Variants in TMEM237 observed in about 807,000 individuals in gnomAD.
TMEM237 encodes amyotrophic lateral sclerosis 2 (juvenile) chromosome region, candidate 4.
A neutral mutation model predicts 59.1 loss-of-function variants in TMEM237; 51 were observed. The observed-to-expected ratio is 0.86, with a 90% CI of 0.69 to 1.09. The LOEUF is 1.09. TMEM237 is among the 50% of genes least tolerant of loss of function. The pLI is 0.00. For synonymous variants in TMEM237, 140 were observed against 166.1 expected (o/e 0.84, Z 1.21); for missense variants, 475 against 478.3 (o/e 0.99, Z 0.06).
At position 201,632,156 on chromosome 2, in the gene TMEM237, C is replaced by T. The variant is rs1443272786; in HGVS notation, c.448G>A (p.Glu150Lys). The change falls in exon 7 of 13, where the codon GAA becomes AAA. Residue 150 changes from glutamate to lysine, a missense_variant. Transcript: ENST00000409883. ...GTTTGCTCATCAGTGATTATGTCTT[C>T]ATCTTCTACTCCTAGCTCATTGGCA... ...QYANELGVED[E>K]DIITDEQTTV... The T allele has an allele frequency of 2.5e-6, 4 of 1,613,800 alleles. No individual in the cohort carries two copies. The African/African-American group carries it at 4.0e-5, about 16-fold the overall frequency.
rs371745593 is a variant in TMEM237, at chr2:201,643,045, G to A, written c.42+314C>T. Reference sequence around the variant, plus strand: ...CCTCGGAGGAGTCTAGGAGAGGCCTGGCTGGAAGCCCCGGCACCCGCCGGG... The same window carrying A: ...CCTCGGAGGAGTCTAGGAGAGGCCTAGCTGGAAGCCCCGGCACCCGCCGGG... On this transcript the variant is annotated intron_variant, in intron 1 of 12. Transcript: ENST00000409883. This position sits in a 1 kb window ranked among gnomAD's most constrained non-coding sequence, Gnocchi z 4.3. The A allele has an allele frequency of 1.0e-5, 13 of 1,262,570 alleles. No homozygotes were observed. The East Asian group carries it at 3.1e-4, about 30-fold the overall frequency. The allele number at this position is 1,262,570 out of a possible 1,614,324, so 78.2% of individuals were successfully genotyped here.
Position 201,629,271 on chromosome 2 carries a change from CAG to C in TMEM237, c.826_827del (p.Leu276ValfsTer13). On this transcript the variant is annotated frameshift_variant, in exon 9 of 13. Transcript: ENST00000409883. LOFTEE classifies it high-confidence loss of function. ...KTLAYPFQSL[L>X]YLLLALSTIS... The stretch of plus-strand genomic sequence containing the variant: ...TTGTACTCAGAGCCAAAAGCAAGTA[CAG>C]AAGACTCTGGAATGGATACGCTAGG... 6.3e-7 allele frequency: 1 copy of C among 1,594,542 alleles called. No homozygotes were observed. The highest frequency in any genetic ancestry group is 8.5e-7 in the Non-Finnish European group (1 of 1,174,402).
Position 201,623,652 on chromosome 2 carries a change from C to G in TMEM237, c.*603G>C, listed in dbSNP as rs1001421624. 6.6e-6 allele frequency: 1 copy of G among 152,308 alleles called. No homozygotes were observed. Among genetic ancestry groups the G allele is most frequent in the Non-Finnish European group, 1.5e-5 (1 of 68,156 alleles). The allele number at this position is 152,308 out of a possible 1,614,324, so 9.4% of individuals were successfully genotyped here. A position where few individuals can be genotyped will look rare whatever the true frequency, so the allele number is the denominator to read the frequency against. ...CACTAGTACAGATTATAATGAGAAG[C>G]AACTTTTTAGTTACTTCTAGGTAAA... On this transcript the variant is annotated 3_prime_UTR_variant, in exon 13 of 13. Coordinates refer to ENST00000409883, the MANE Select transcript of TMEM237 (RefSeq NM_001044385.3).
At chr2:201,627,063 C>T (rs560001579) in intron 11 of TMEM237, among the ~76,000 whole-genome samples, 1 of 147,578 alleles carries the variant, frequency 6.8e-6, no homozygotes, top group South Asian at 2.2e-4. Context: ...ATGGGTGACA[C>T]AGCGAGACTC....
At chr2:201,629,679 C>G (rs1957791650) in intron 8 of TMEM237, 50 bp downstream of exon 8, 2 of 1,566,580 alleles carry the variant, frequency 1.3e-6, no homozygotes, top group Admixed American at 2.2e-5. Context: ...TCTTTAATTA[C>G]AGAACTCAGT....
At chr2:201,638,500 A>G (rs1444193858) in intron 4 of TMEM237, 4 of 152,802 alleles carry the variant, frequency 2.6e-5, no homozygotes, top group African/African-American at 9.6e-5. Flanking sequence ...TTCCAGGATT[A>G]TCAGTGGATG....
chr2:201,624,195 C>T lies in TMEM237; in HGVS notation c.*60G>A. The T allele has an allele frequency of 1.5e-6, 2 of 1,366,208 alleles. No individual in the cohort carries two copies. The highest frequency in any genetic ancestry group is 1.8e-5 in the Admixed American group (1 of 56,216). 84.6% of individuals were successfully genotyped at this position (1,366,208 alleles called of 1,614,324 possible). On this transcript the variant is annotated 3_prime_UTR_variant, in exon 13 of 13. Transcript: ENST00000409883. ...CACATGTATACATCTTATAAAAATA[C>T]ATTTAAAAACAAAAATGGGACAAAT... is the stretch of plus-strand genomic sequence containing the variant.
chr2:201,621,846 AT>A lies in TMEM237; in HGVS notation c.*2408del, dbSNP rs1206697148. The A allele has an allele frequency of 1.4e-4, 21 of 152,774 alleles. No homozygotes were observed. Among genetic ancestry groups the A allele is most frequent in the African/African-American group, 5.0e-4 (21 of 41,594 alleles). The allele number at this position is 152,774 out of a possible 1,614,324, so 9.5% of individuals were successfully genotyped here. Reference sequence around the variant, plus strand: ...TCCACTGTAAGCTGGAGAAAGTTACATGAATTCTCATCGACGGCCTCAGCAA... The same window carrying A: ...TCCACTGTAAGCTGGAGAAAGTTACAGAATTCTCATCGACGGCCTCAGCAA... On this transcript the variant is annotated 3_prime_UTR_variant, in exon 13 of 13. Coordinates refer to ENST00000409883, the MANE Select transcript of TMEM237 (RefSeq NM_001044385.3).
chr2:201,623,319 G>A lies in TMEM237; in HGVS notation c.*936C>T, dbSNP rs1305391687. On this transcript the variant is annotated 3_prime_UTR_variant, in exon 13 of 13. Coordinates refer to ENST00000409883, the MANE Select transcript of TMEM237 (RefSeq NM_001044385.3). Reference sequence around the variant, plus strand: ...TAGGGTCTCATATACAACAGCTGAGGTACCATTGGATATAGTTCTGAAGAG... The same window carrying A: ...TAGGGTCTCATATACAACAGCTGAGATACCATTGGATATAGTTCTGAAGAG... 3.8e-5 allele frequency: 13 copies of A among 344,652 alleles called. No homozygotes were observed. The highest frequency in any genetic ancestry group is 6.5e-5 in the Non-Finnish European group (11 of 169,208). The allele number at this position is 344,652 out of a possible 1,614,324, so 21.3% of individuals were successfully genotyped here.
intron 11 of TMEM237, 98 bp downstream of exon 11, chr2:201,627,223 A>G: frequency 1.2e-6 from 1 of 829,422 alleles, no homozygotes; most frequent in South Asian, 1.9e-5. Context: ...GGAAACAAAA[A>G]CAGAGCCTTC....
At chr2:201,642,082 A>T (rs1322760340) in intron 1 of TMEM237, among the ~76,000 whole-genome samples, 1 of 152,246 alleles carries the variant, frequency 6.6e-6, no homozygotes, top group Non-Finnish European at 1.5e-5. Context: ...TAGGGCAGAA[A>T]GAAAGGTGGG....
chr2:201,631,413 A>AGT (rs1268232178), intron 7 of TMEM237: 3 of 152,218 alleles, frequency 2.0e-5, no homozygotes, highest in Non-Finnish European at 4.4e-5. Context: ...CTGCAAACCT[A>AGT]GTATACATTA....
chr2:201,633,355 C>G lies in TMEM237; in HGVS notation c.351G>C (p.Glu117Asp), dbSNP rs770449337. The change falls in exon 6 of 13, where the codon GAG becomes GAC. Residue 117 changes from glutamate to aspartate, a missense_variant. Coordinates refer to ENST00000409883, the MANE Select transcript of TMEM237 (RefSeq NM_001044385.3). ...TTTGAATAACTGCCTCCTCAGCTGG[C>G]TCCGCATCAATACCATTTTCATTTC... ...LLRNENGIDAEPAEEAVIQKP... is the reference protein window; with the variant it reads ...LLRNENGIDADPAEEAVIQKP... The G allele has an allele frequency of 1.3e-6, 2 of 1,596,616 alleles. No individual in the cohort carries two copies. Among genetic ancestry groups the G allele is most frequent in the East Asian group, 4.5e-5 (2 of 44,420 alleles).
intron 5 of TMEM237, among the ~76,000 whole-genome samples, chr2:201,633,892 G>A (rs1197435255): frequency 6.6e-6 from 1 of 152,208 alleles, no homozygotes; most frequent in Non-Finnish European, 1.5e-5. Flanking sequence ...CATTACTGGA[G>A]AGTAATGAGT....
intron 5 of TMEM237, chr2:201,634,916 A>G: frequency 2.3e-6 from 1 of 440,822 alleles, no homozygotes. Flanking sequence ...GTAATTAGGA[A>G]AATTATAATA....
In TMEM237 at chr2:201,643,477, G is replaced by A; in HGVS notation, c.-77C>T. ...AGCTCCCCGCGACGCAGCGGCCTCC[G>A]GGACCTGTGGGACGCCGGGGCTTCG... On this transcript the variant is annotated 5_prime_UTR_variant, in exon 1 of 13. Coordinates refer to ENST00000409883, the MANE Select transcript of TMEM237 (RefSeq NM_001044385.3). The surrounding 1 kb of genome is among the most constrained non-coding windows in gnomAD (Gnocchi z 4.3). 8.1e-7 allele frequency: 1 copy of A among 1,241,776 alleles called. No homozygotes were observed. Among genetic ancestry groups the A allele is most frequent in the African/African-American group, 1.6e-5 (1 of 62,980 alleles). 76.9% of individuals were successfully genotyped at this position (1,241,776 alleles called of 1,614,324 possible).
rs925518334 is a variant in TMEM237 at position 201,623,325 on chromosome 2, T to C, written c.*930A>G. The C allele has an allele frequency of 7.6e-5, 25 of 328,748 alleles. No homozygotes were observed. Among genetic ancestry groups the C allele is most frequent in the Non-Finnish European group, 1.2e-4 (20 of 161,250 alleles). The allele number at this position is 328,748 out of a possible 1,614,324, so 20.4% of individuals were successfully genotyped here. On this transcript the variant is annotated 3_prime_UTR_variant, in exon 13 of 13. Coordinates refer to ENST00000409883, the MANE Select transcript of TMEM237 (RefSeq NM_001044385.3). ...CTCATATACAACAGCTGAGGTACCA[T>C]TGGATATAGTTCTGAAGAGATCTTT...
chr2:201,624,466 T>C (rs1433577895), intron 12 of TMEM237, 144 bp from the exon 13 acceptor site: 2 of 469,758 alleles, frequency 4.3e-6, no homozygotes, highest in African/African-American at 2.0e-5. Flanking sequence ...TTCTTGACAG[T>C]GAAATATGAT....
In TMEM237 at chr2:201,636,751, G is replaced by A; in HGVS notation, c.271C>T (p.Leu91Phe). 1 of 1,571,422 alleles carries A rather than the reference G, an allele frequency of 6.4e-7. No individual in the cohort carries two copies. Among genetic ancestry groups the A allele is most frequent in the Non-Finnish European group, 8.6e-7 (1 of 1,157,232 alleles). ...TAACCTTGGTTTCTTCACATACCAA[G>A]AGGTAGCCTTGTCTTTTTCTGTCTT... ...QRRQKKTRLP[L>F]ELETSSTQKK... The change falls in exon 5 of 13, where the codon CTT becomes TTT. Residue 91 changes from leucine (L) to phenylalanine (F), a missense_variant. By Grantham distance (22) the Leu-to-Phe change is conservative. Coordinates refer to ENST00000409883, the MANE Select transcript of TMEM237 (RefSeq NM_001044385.3).
Sources: allele counts gnomAD v4.1 joint callset (sites outside exome capture counted in the v4.1 genomes callset), GRCh38; gene constraint gnomAD v4.1.1; non-coding constraint Gnocchi (gnomAD v3.1); transcripts MANE v1.5; gene names NCBI Gene and HGNC (gene_info 2026-07-23, HGNC 2026-07-21).